Variants in PBX3 observed in about 807,000 individuals in gnomAD.
PBX3 encodes pre-B-cell leukemia transcription factor 3.
In PBX3, 14 loss-of-function variants were observed where a neutral mutation model predicts 48.5. The ratio of observed to expected loss-of-function variants is 0.29; its 90% confidence interval spans 0.19 to 0.45. The LOEUF (loss-of-function observed/expected upper bound fraction) is 0.45. Among genes scored for constraint, PBX3 ranks in the 20% least tolerant of loss-of-function variants. The pLI is 1.00. For missense variants in PBX3, 386 were observed against 546.7 expected, an observed-to-expected ratio of 0.71 and a Z score of 2.93; for synonymous variants, 210 against 200.3, an observed-to-expected ratio of 1.05 and a Z score of -0.41.
At chr9:125,815,501 G>T (rs374607756) in intron 2 of PBX3, among the ~76,000 whole-genome samples, 1 of 152,138 alleles carries the variant, frequency 6.6e-6, no homozygotes, top group East Asian at 1.9e-4. Context: ...TAGGTTCCTC[G>T]TATAACATAA....
intron 2 of PBX3, among the ~76,000 whole-genome samples, chr9:125,807,766 G>A (rs1160871327): frequency 6.6e-6 from 1 of 152,050 alleles, no homozygotes; most frequent in Non-Finnish European, 1.5e-5. Flanking sequence ...CAAGACCAGT[G>A]CTGTACTTGC....
chr9:125,898,456 A>AT (rs1554725710), intron 2 of PBX3, among the ~76,000 whole-genome samples: 22 of 150,506 alleles, frequency 1.5e-4, no homozygotes, highest in African/African-American at 5.1e-4. Context: ...TCTGAAAAAA[A>AT]AAAATAAAAA....
At chr9:125,909,666 C>CA (rs1275008705) in intron 2 of PBX3, among the ~76,000 whole-genome samples, 1 of 152,104 alleles carries the variant, frequency 6.6e-6, no homozygotes, top group Admixed American at 6.6e-5. Flanking sequence ...GAAGAAACGT[C>CA]AGAGTCATAG....
At chr9:125,918,842 T>C (rs912608515) in intron 3 of PBX3, among the ~76,000 whole-genome samples, 1 of 152,234 alleles carries the variant, frequency 6.6e-6, no homozygotes, top group Admixed American at 6.5e-5. Context: ...AGTCAACTTT[T>C]CCTTTCAGTT....
intron 2 of PBX3, among the ~76,000 whole-genome samples, chr9:125,780,415 GAC>G (rs1491267878): frequency 1.7e-4 from 7 of 41,056 alleles, no homozygotes; most frequent in African/African-American, 5.7e-4. Context: ...GCGGGGGGCT[GAC>G]CCCCCCCCCA....
chr9:125,898,173 A>AT (rs1840818614), intron 2 of PBX3, among the ~76,000 whole-genome samples: 1 of 151,660 alleles, frequency 6.6e-6, no homozygotes, highest in Non-Finnish European at 1.5e-5. Flanking sequence ...GTGGTTTTGC[A>AT]TTTTTAGAAT....
At position 125,890,234 on chromosome 9, in the gene PBX3, A is replaced by C. The variant is rs1483813425; in HGVS notation, c.275-25452A>C. Among the ~76,000 whole-genome samples, 19 of 152,148 alleles carry C rather than the reference A, an allele frequency of 1.2e-4. 1 individual carries two copies. The highest frequency in any genetic ancestry group is 1.2e-3 in the Admixed American group (19 of 15,280). ...TGAACATTTTCAACAGATAGGAAAA[A>C]ATTCCCAACCAGCTTCAAAACAATG... On this transcript the variant is annotated intron_variant, in intron 2 of 8. Coordinates refer to ENST00000373489, the MANE Select transcript of PBX3 (RefSeq NM_006195.6).
chr9:125,889,855 T>C (rs1314999312), intron 2 of PBX3, among the ~76,000 whole-genome samples: 1 of 147,672 alleles, frequency 6.8e-6, no homozygotes, highest in East Asian at 2.0e-4. Context: ...GCGAGAACAA[T>C]GGGCGCGCCC....
intron 2 of PBX3, among the ~76,000 whole-genome samples, chr9:125,774,930 G>A (rs1460742712): frequency 6.6e-6 from 1 of 151,512 alleles, no homozygotes; most frequent in Non-Finnish European, 1.5e-5. Flanking sequence ...GGAGTATAGT[G>A]GCGCAACCTT....
intron 2 of PBX3, among the ~76,000 whole-genome samples, chr9:125,907,593 C>T (rs747138047): frequency 2.9e-4 from 44 of 151,604 alleles, no homozygotes; most frequent in Non-Finnish European, 5.6e-4. Context: ...TCGTGGTATC[C>T]CTATTTACAG....
intron 2 of PBX3, among the ~76,000 whole-genome samples, chr9:125,881,300 A>G (rs1840375699): frequency 6.6e-6 from 1 of 152,236 alleles, no homozygotes; most frequent in African/African-American, 2.4e-5. Flanking sequence ...CAAGGTGACA[A>G]AAATAGGGAA....
chr9:125,942,910 T>C (rs11791242), intron 5 of PBX3, among the ~76,000 whole-genome samples: 89,732 of 152,114 alleles, frequency 0.59, 29,471 homozygotes, highest in East Asian at 0.77. Flanking sequence ...GGGAAGCTTC[T>C]GATTTTTTTG....
At chr9:125,903,820 A>G (rs376932968) in intron 2 of PBX3, among the ~76,000 whole-genome samples, 1 of 151,908 alleles carries the variant, frequency 6.6e-6, no homozygotes, top group Non-Finnish European at 1.5e-5. Flanking sequence ...CATAATATGT[A>G]TAAGAGGTGG....
intron 5 of PBX3, among the ~76,000 whole-genome samples, chr9:125,945,365 C>G (rs1842044776): frequency 6.6e-6 from 1 of 152,118 alleles, no homozygotes; most frequent in Admixed American, 6.6e-5. Context: ...GCAGTTTCTC[C>G]TGCTTGGAAT....
intron 2 of PBX3, among the ~76,000 whole-genome samples, chr9:125,846,823 C>T (rs909260115): frequency 1.3e-5 from 2 of 152,098 alleles, no homozygotes; most frequent in Non-Finnish European, 2.9e-5. Flanking sequence ...TTTGTTTGAA[C>T]AGAATGCAGG....
At chr9:125,868,166 C>A (rs1840034821) in intron 2 of PBX3, among the ~76,000 whole-genome samples, 1 of 151,136 alleles carries the variant, frequency 6.6e-6, no homozygotes, top group African/African-American at 2.4e-5. Context: ...TGAGCCACTA[C>A]ACCCAGACTG....
chr9:125,833,486 C>T (rs1320828344), intron 2 of PBX3, among the ~76,000 whole-genome samples: 1 of 148,280 alleles, frequency 6.7e-6, no homozygotes, highest in African/African-American at 2.6e-5. Flanking sequence ...GAGACGCTGT[C>T]TCAAAAAAAA....
intron 2 of PBX3, among the ~76,000 whole-genome samples, chr9:125,890,814 A>AT (rs1320445259): frequency 2.0e-5 from 3 of 152,244 alleles, no homozygotes; most frequent in African/African-American, 7.2e-5. Context: ...ATTTGAAAAG[A>AT]TTAAAAAAAG....
intron 2 of PBX3, among the ~76,000 whole-genome samples, chr9:125,827,654 C>T (rs906217801): frequency 3.9e-5 from 6 of 151,956 alleles, no homozygotes; most frequent in African/African-American, 7.2e-5. Flanking sequence ...TTTTGATATC[C>T]GTGAATTGAT....
Sources: gnomAD v4.1 joint callset for allele counts (sites outside exome capture counted in the v4.1 genomes callset) on GRCh38, gnomAD v4.1.1 for gene constraint, MANE v1.5 for transcripts, NCBI Gene and HGNC (gene_info 2026-07-23, HGNC 2026-07-21) for gene names.